PIGU: variants seen among roughly 807,000 people sequenced by gnomAD.
PIGU encodes the protein phosphatidylinositol glycan anchor biosynthesis class U, also known as GPI-anchor transamidase component PIGU.
PIGU carries 24 observed loss-of-function variants against 49.9 expected under a neutral mutation model. The ratio of observed to expected loss-of-function variants is 0.48; its 90% CI spans 0.35 to 0.68. The LOEUF (loss-of-function observed/expected upper bound fraction) is 0.68. Ranked by LOEUF, PIGU falls within the 30% of genes least tolerant of loss-of-function variation. The probability of loss-of-function intolerance (pLI) is 0.01; values close to 1 mark genes in which losing one functional copy is unlikely to be tolerated. For synonymous variants in PIGU, 220 were observed against 205.7 expected (o/e 1.07, Z -0.59); for missense variants, 490 against 532.6 (o/e 0.92, Z 0.79).
intron 10 of PIGU, among the ~76,000 whole-genome samples, chr20:34,577,243 A>G (rs1983272905): frequency 6.6e-6 from 1 of 152,202 alleles, no homozygotes; most frequent in Admixed American, 6.5e-5. Context: ...CTTCTCTGAT[A>G]CTGACCTTCA....
intron 1 of PIGU, among the ~76,000 whole-genome samples, chr20:34,658,939 G>A (rs1986815068): frequency 6.7e-6 from 1 of 149,504 alleles, no homozygotes; most frequent in Admixed American, 6.6e-5. Context: ...CCCCGTCCGG[G>A]AGGGAGGCGG....
chr20:34,662,663 C>T (rs981115091), intron 1 of PIGU, among the ~76,000 whole-genome samples: 1 of 152,038 alleles, frequency 6.6e-6, no homozygotes, highest in African/African-American at 2.4e-5. Flanking sequence ...CAAAATTGCA[C>T]ATTTTTAAAT....
At chr20:34,668,741 C>A (rs1352683247) in intron 1 of PIGU, among the ~76,000 whole-genome samples, 1 of 150,336 alleles carries the variant, frequency 6.7e-6, no homozygotes. Flanking sequence ...TGCACTCCAG[C>A]CTGGGTGACA....
At chr20:34,588,399 A>G in intron 8 of PIGU, 54 bp downstream of exon 8, 2 of 1,516,408 alleles carry the variant, frequency 1.3e-6, no homozygotes, top group South Asian at 1.2e-5. Context: ...ACAGTATACA[A>G]GGGTTCCCTT....
chr20:34,594,957 T>TG (rs1984136115), intron 7 of PIGU, among the ~76,000 whole-genome samples: 1 of 150,818 alleles, frequency 6.6e-6, no homozygotes, highest in Non-Finnish European at 1.5e-5. Flanking sequence ...CCGGGCATGG[T>TG]GGGGGGCGCC....
In PIGU at chr20:34,607,039, G is replaced by A. The variant is rs144500774; in HGVS notation, c.627+9003C>T. Among the ~76,000 whole-genome samples the A allele has an allele frequency of 1.7e-3, 264 of 152,330 alleles. 2 individuals are homozygous for A. The highest frequency in any genetic ancestry group is 5.8e-3 in the African/African-American group (240 of 41,578). On this transcript the variant is annotated intron_variant, in intron 7 of 11. Transcript: ENST00000217446. Reference sequence around the variant, plus strand: ...CTCCCAAAGTGTTGGGATTACAGGCGTGAGCCACCATGCCCGGCCATAAAT... The same window carrying A: ...CTCCCAAAGTGTTGGGATTACAGGCATGAGCCACCATGCCCGGCCATAAAT...
At position 34,567,845 on chromosome 20, in the gene PIGU, C is replaced by A. The variant is rs138481190; in HGVS notation, c.1195-6866G>T. On this transcript the variant is annotated intron_variant, in intron 11 of 11. Coordinates refer to ENST00000217446, the MANE Select transcript of PIGU (RefSeq NM_080476.5). ...TCTCTCTCTCCCTCCTTCACCCCCACCCAGGTCTTGCTACCTAAAATCATA... is the reference window on the plus strand; with the variant it reads ...TCTCTCTCTCCCTCCTTCACCCCCAACCAGGTCTTGCTACCTAAAATCATA... Among the ~76,000 whole-genome samples the A allele has an allele frequency of 3.1e-3, 477 of 151,930 alleles. 2 individuals carry two copies. Among genetic ancestry groups the A allele is most frequent in the South Asian group, 0.011 (55 of 4,800 alleles).
chr20:34,654,522 T>C (rs6120697), intron 2 of PIGU, among the ~76,000 whole-genome samples: 2,128 of 115,758 alleles, frequency 0.018, 573 homozygotes, highest in African/African-American at 0.064. Flanking sequence ...GTTCCTAACC[T>C]GTTTCTGCCA....
intron 8 of PIGU, 141 bp from the exon 9 acceptor site, chr20:34,585,721 G>C (rs1983673733): frequency 2.4e-6 from 2 of 827,444 alleles, no homozygotes; most frequent in African/African-American, 1.7e-5. Context: ...GATGGGAAGG[G>C]CTCTCTAGGT....
chr20:34,662,323 T>A (rs1384805727), intron 1 of PIGU, among the ~76,000 whole-genome samples: 1 of 151,738 alleles, frequency 6.6e-6, no homozygotes, highest in Non-Finnish European at 1.5e-5. Context: ...TCTTCCTGCC[T>A]CAGCCTCCCA....
intron 6 of PIGU, among the ~76,000 whole-genome samples, chr20:34,634,271 T>C (rs755973784): frequency 1.3e-5 from 2 of 151,994 alleles, no homozygotes; most frequent in Non-Finnish European, 2.9e-5. Flanking sequence ...AAGCTCTTGC[T>C]ATGTTCCCCA....
Position 34,603,861 on chromosome 20 carries a change from G to GACACACACACACACACACACACACACAC in PIGU, c.627+12153_627+12180dup, listed in dbSNP as rs142929319. On this transcript the variant is annotated intron_variant, in intron 7 of 11. Coordinates refer to ENST00000217446, the MANE Select transcript of PIGU (RefSeq NM_080476.5). ...TTGTTTCTAGACCTTTTAGTGGACAGACACACACACACACACACACACACA... is the reference window on the plus strand; with the variant it reads ...TTGTTTCTAGACCTTTTAGTGGACAGACACACACACACACACACACACACACACACACACACACACACACACACACACA... Among the ~76,000 whole-genome samples, 81 of 143,884 alleles carry GACACACACACACACACACACACACACAC rather than the reference G, an allele frequency of 5.6e-4. 1 individual carries two copies. The highest frequency in any genetic ancestry group is 1.0e-3 in the African/African-American group (40 of 38,612). 94.4% of individuals were successfully genotyped at this position (143,884 alleles called of 152,430 possible).
intron 6 of PIGU, 59 bp from the exon 7 acceptor site, chr20:34,616,198 G>A: frequency 6.4e-7 from 1 of 1,566,068 alleles, no homozygotes; most frequent in South Asian, 1.2e-5. Flanking sequence ...ATTAGACTCA[G>A]CAAGTCCCTC....
chr20:34,669,908 T>C lies in PIGU; in HGVS notation c.130+7048A>G, dbSNP rs569112916. ...ATTGAAAACACAAACAAAAACTTTT[T>C]TCTTAGGGGCAAGACTAAGCCTAAC... On this transcript the variant is annotated intron_variant, in intron 1 of 11. Transcript: ENST00000217446. 5.9e-5 allele frequency among the ~76,000 whole-genome samples: 9 copies of C among 152,232 alleles called. 1 individual carries two copies. Among genetic ancestry groups the C allele is most frequent in the Admixed American group, 5.9e-4 (9 of 15,274 alleles).
At chr20:34,643,151 A>C (rs1043889949) in intron 4 of PIGU, among the ~76,000 whole-genome samples, 4 of 152,102 alleles carry the variant, frequency 2.6e-5, no homozygotes, top group African/African-American at 9.7e-5. Flanking sequence ...GGTGATACTA[A>C]GTCCCTAAAA....
At chr20:34,668,871 T>G (rs1293029070) in intron 1 of PIGU, among the ~76,000 whole-genome samples, 3 of 15,504 alleles carry the variant, frequency 1.9e-4, no homozygotes, top group African/African-American at 5.8e-4. Context: ...GTAAAACTTT[T>G]TTTTTTTTTT....
In PIGU at chr20:34,658,812, A is replaced by G. The variant is rs1376582802; in HGVS notation, c.131-1568T>C. Among the ~76,000 whole-genome samples, 18 of 139,492 alleles carry G rather than the reference A, an allele frequency of 1.3e-4. No individual in the cohort carries two copies. In the South Asian group the frequency reaches 2.1e-3, roughly 17 times the overall value. The allele number at this position is 139,492 out of a possible 152,430, so 91.5% of individuals were successfully genotyped here. ...CTCCGCCTGGCAGCCGCCCCGTCTGAGAAGCGAGGAGCCCCTCCGCCCGGC... is the reference window on the plus strand; with the variant it reads ...CTCCGCCTGGCAGCCGCCCCGTCTGGGAAGCGAGGAGCCCCTCCGCCCGGC... On this transcript the variant is annotated intron_variant, in intron 1 of 11. Coordinates refer to ENST00000217446, the MANE Select transcript of PIGU (RefSeq NM_080476.5).
At chr20:34,657,754 G>A (rs1986748633) in intron 1 of PIGU, among the ~76,000 whole-genome samples, 2 of 152,040 alleles carry the variant, frequency 1.3e-5, no homozygotes, top group African/African-American at 2.4e-5. Context: ...GAAATAACCT[G>A]ACAAGTACCC....
chr20:34,635,339 C>A (rs1414052722), intron 5 of PIGU, among the ~76,000 whole-genome samples: 1 of 152,146 alleles, frequency 6.6e-6, no homozygotes, highest in Non-Finnish European at 1.5e-5. Context: ...CTGAGCCAGA[C>A]CCCAAGGACA....
Sources: allele counts gnomAD v4.1 joint callset (sites outside exome capture counted in the v4.1 genomes callset), GRCh38; gene constraint gnomAD v4.1.1; transcripts MANE v1.5; gene names NCBI Gene and HGNC (gene_info 2026-07-23, HGNC 2026-07-21).